The following CPA6 variants were observed in gnomAD, a reference collection of about 807,000 sequenced individuals.
CPA6 encodes carboxypeptidase A6.
CPA6 carries 58 observed loss-of-function variants against 63.3 expected under a neutral mutation model. The observed-to-expected ratio is 0.92, with a 90% confidence interval of 0.74 to 1.14. The LOEUF (loss-of-function observed/expected upper bound fraction) is 1.14. Ranked by LOEUF, CPA6 falls within the 50% of genes most tolerant of loss-of-function variation. The pLI, the probability that CPA6 is intolerant of heterozygous loss-of-function variation, is 0.00. For synonymous variants in CPA6, 185 were observed against 179.0 expected (o/e 1.03, Z -0.27); for missense variants, 565 against 526.6 (o/e 1.07, Z -0.71).
At chr8:67,456,475 C>T (rs1259635527) in intron 8 of CPA6, among the ~76,000 whole-genome samples, 1 of 152,220 alleles carries the variant, frequency 6.6e-6, no homozygotes, top group Non-Finnish European at 1.5e-5. Flanking sequence ...CAAACCTTTT[C>T]TGAATTATTG....
At chr8:67,483,469 T>C in intron 8 of CPA6, 1 of 459,066 alleles carries the variant, frequency 2.2e-6, no homozygotes, top group South Asian at 2.5e-5. Context: ...ACGGTTCATG[T>C]TTTAATTTGG....
chr8:67,596,494 C>G (rs139501048), intron 2 of CPA6, among the ~76,000 whole-genome samples: 1 of 149,568 alleles, frequency 6.7e-6, no homozygotes, highest in Non-Finnish European at 1.5e-5. Flanking sequence ...GTCATTGCCT[C>G]TTTGTAGTTT....
chr8:67,462,128 T>C (rs1256907013), intron 8 of CPA6, among the ~76,000 whole-genome samples: 4 of 152,202 alleles, frequency 2.6e-5, no homozygotes, highest in Non-Finnish European at 1.5e-5. Context: ...CTATTTTTTT[T>C]TCCCCAGAAG....
intron 1 of CPA6, among the ~76,000 whole-genome samples, chr8:67,685,277 T>C (rs905244383): frequency 6.6e-6 from 1 of 152,204 alleles, no homozygotes; most frequent in Non-Finnish European, 1.5e-5. Flanking sequence ...CTGATGTCGC[T>C]AGCCCAGTGG....
At chr8:67,577,996 T>G (rs1024498173) in intron 2 of CPA6, among the ~76,000 whole-genome samples, 5 of 152,234 alleles carry the variant, frequency 3.3e-5, no homozygotes, top group Admixed American at 6.5e-5. Context: ...TAGTAAATAT[T>G]TCAAATATTT....
intron 1 of CPA6, among the ~76,000 whole-genome samples, chr8:67,695,794 G>C (rs374261676): frequency 6.6e-6 from 1 of 152,172 alleles, no homozygotes; most frequent in Non-Finnish European, 1.5e-5. Context: ...ATATGGTGCT[G>C]TTTCTCTCAT....
chr8:67,626,122 A>C (rs1815189539), intron 1 of CPA6, among the ~76,000 whole-genome samples: 1 of 152,142 alleles, frequency 6.6e-6, no homozygotes, highest in Non-Finnish European at 1.5e-5. Context: ...CCAGGCATGC[A>C]TTCTGTTAAG....
At chr8:67,571,711 T>A (rs180847848) in intron 2 of CPA6, among the ~76,000 whole-genome samples, 42 of 152,282 alleles carry the variant, frequency 2.8e-4, no homozygotes, top group African/African-American at 9.6e-4. Flanking sequence ...GAGGAAAGTT[T>A]GTAGCAAAAA....
At position 67,511,537 on chromosome 8, in the gene CPA6, A is replaced by G. The variant is rs200555424; in HGVS notation, c.432+4T>C. 6 of 1,515,372 alleles carry G rather than the reference A, an allele frequency of 4.0e-6. No individual in the cohort carries two copies. Among genetic ancestry groups the G allele is most frequent in the Non-Finnish European group, 5.5e-6 (6 of 1,091,232 alleles). 93.9% of individuals were successfully genotyped at this position (1,515,372 alleles called of 1,614,324 possible). Reference sequence around the variant, plus strand: ...AACCAGAAAAAGCTCTTTTGATTACATACTTCTTCTAAGGAGTGATAAACT... The same window carrying G: ...AACCAGAAAAAGCTCTTTTGATTACGTACTTCTTCTAAGGAGTGATAAACT... On this transcript the variant is annotated splice_donor_region_variant and intron_variant, in intron 4 of 10. Coordinates refer to ENST00000297770, the MANE Select transcript of CPA6 (RefSeq NM_020361.5).
At chr8:67,633,766 A>G (rs1815400215) in intron 1 of CPA6, among the ~76,000 whole-genome samples, 1 of 151,230 alleles carries the variant, frequency 6.6e-6, no homozygotes, top group East Asian at 1.9e-4. Flanking sequence ...TGTATTAGTG[A>G]TTTTTTTGTA....
chr8:67,570,321 G>A (rs947902224), intron 2 of CPA6, among the ~76,000 whole-genome samples: 1 of 152,194 alleles, frequency 6.6e-6, no homozygotes, highest in Non-Finnish European at 1.5e-5. Context: ...GCTAAAGGGA[G>A]TTCTTTAAAC....
chr8:67,644,223 A>G (rs969617004), intron 1 of CPA6, among the ~76,000 whole-genome samples: 1 of 151,126 alleles, frequency 6.6e-6, no homozygotes. Flanking sequence ...GGTTCACGCC[A>G]TTCTCCTGCC....
chr8:67,469,214 TCTGGATGAGATTAACATTTAAATCA>T (rs1259300980), intron 8 of CPA6, among the ~76,000 whole-genome samples: 1 of 152,208 alleles, frequency 6.6e-6, no homozygotes, highest in Non-Finnish European at 1.5e-5. Context: ...TGAGGGTATT[TCTGGATGAGATTAACATTTAAATCA>T]GTGGGCTTTG....
At chr8:67,534,652 C>T (rs1341282446) in intron 2 of CPA6, among the ~76,000 whole-genome samples, 3 of 152,228 alleles carry the variant, frequency 2.0e-5, no homozygotes, top group East Asian at 1.9e-4. Flanking sequence ...ACTGCCTTCC[C>T]CTTATCCAGT....
At chr8:67,705,103 T>C (rs889312395) in intron 1 of CPA6, among the ~76,000 whole-genome samples, 3 of 152,122 alleles carry the variant, frequency 2.0e-5, no homozygotes, top group African/African-American at 7.2e-5. Context: ...CCCTCCCAGG[T>C]AACTGCCATT....
intron 1 of CPA6, among the ~76,000 whole-genome samples, chr8:67,745,578 CA>C (rs367575021): frequency 0.043 from 6,344 of 148,914 alleles, 429 homozygotes; most frequent in African/African-American, 0.15. Flanking sequence ...TAAGCACAGA[CA>C]AAAAAAAAAT....
chr8:67,519,687 G>C (rs941425784), intron 2 of CPA6, among the ~76,000 whole-genome samples: 1 of 152,146 alleles, frequency 6.6e-6, no homozygotes, highest in African/African-American at 2.4e-5. Flanking sequence ...AGCGCACAAC[G>C]GAAGTGTGAG....
chr8:67,589,696 G>A (rs1346072172), intron 2 of CPA6, among the ~76,000 whole-genome samples: 1 of 152,062 alleles, frequency 6.6e-6, no homozygotes, highest in Non-Finnish European at 1.5e-5. Context: ...ACATCTGAAA[G>A]TATTATTATA....
chr8:67,636,862 C>T (rs1815479640), intron 1 of CPA6, among the ~76,000 whole-genome samples: 1 of 151,558 alleles, frequency 6.6e-6, no homozygotes, highest in Non-Finnish European at 1.5e-5. Flanking sequence ...CAGAGCTGCA[C>T]TTCCTTTGTT....
Sources: gnomAD v4.1 joint callset for allele counts (sites outside exome capture counted in the v4.1 genomes callset) on GRCh38, gnomAD v4.1.1 for gene constraint, MANE v1.5 for transcripts, NCBI Gene and HGNC (gene_info 2026-07-23, HGNC 2026-07-21) for gene names.